Variants in OR51B5 observed in about 807,000 individuals in gnomAD.
The protein encoded by OR51B5 is olfactory receptor family 51 subfamily B member 5.
For missense variants in OR51B5, 456 were observed against 374.6 expected (o/e 1.22, Z -1.79); for synonymous variants, 186 against 144.8 (o/e 1.28, Z -2.04).
chr11:5,472,011 C>A (rs1433780435), intron 1 of OR51B5, among the ~76,000 whole-genome samples: 1 of 152,152 alleles, frequency 6.6e-6, no homozygotes, highest in African/African-American at 2.4e-5. Context: ...GTTTCCCAAT[C>A]AAAGGTTCCC....
intron 1 of OR51B5, among the ~76,000 whole-genome samples, chr11:5,381,534 G>A (rs139984112): frequency 9.8e-5 from 15 of 152,296 alleles, no homozygotes; most frequent in African/African-American, 2.2e-4. Context: ...TGGAAACTTC[G>A]TTGAACAATC....
intron 1 of OR51B5, among the ~76,000 whole-genome samples, chr11:5,364,768 C>T (rs1382882539): frequency 6.6e-6 from 1 of 152,074 alleles, no homozygotes; most frequent in African/African-American, 2.4e-5. Flanking sequence ...TTTACAGGGT[C>T]CCCCCACCCT....
At chr11:5,474,889 G>A (rs1254332467) in intron 1 of OR51B5, among the ~76,000 whole-genome samples, 1 of 152,092 alleles carries the variant, frequency 6.6e-6, no homozygotes, top group Non-Finnish European at 1.5e-5. Context: ...GTAAGTTTGG[G>A]GTGGTAGGAA....
At chr11:5,375,551 G>T (rs1478546481) in intron 1 of OR51B5, among the ~76,000 whole-genome samples, 3 of 151,162 alleles carry the variant, frequency 2.0e-5, no homozygotes, top group African/African-American at 7.3e-5. Context: ...GATAAAGAGT[G>T]TATTCAGGAA....
In OR51B5 at chr11:5,389,446, C is replaced by A. The variant is rs74788140; in HGVS notation, n.85-42536G>T. ...GTCCTCAATTCATGCTGCTATCCAA[C>A]ATTACTCAGTTTAGCCCCATATTCT... On this transcript the variant is annotated intron_variant and non_coding_transcript_variant, in intron 1 of 4. Coordinates refer to the OR51B5 transcript ENST00000415970. The A allele has an allele frequency of 3.7e-3, 6,051 of 1,613,910 alleles. 196 individuals are homozygous for A. In the African/African-American group the frequency reaches 0.069, roughly 19 times the overall value.
chr11:5,492,634 C>A (rs1246625801), intron 1 of OR51B5, among the ~76,000 whole-genome samples: 1 of 152,124 alleles, frequency 6.6e-6, no homozygotes, highest in Non-Finnish European at 1.5e-5. Flanking sequence ...GCCAAGATTA[C>A]CAACTCTGGA....
At chr11:5,463,866 C>G (rs961075199) in intron 1 of OR51B5, among the ~76,000 whole-genome samples, 47 of 152,180 alleles carry the variant, frequency 3.1e-4, no homozygotes, top group African/African-American at 1.1e-3. Flanking sequence ...TTTTAAAATG[C>G]TTTTAAATTC....
At chr11:5,357,600 A>G (rs1402546725) in intron 1 of OR51B5, among the ~76,000 whole-genome samples, 3 of 151,952 alleles carry the variant, frequency 2.0e-5, no homozygotes, top group Admixed American at 1.3e-4. Context: ...AAAGTTAACA[A>G]GGATATCCAG....
chr11:5,413,547 T>C (rs1196777209), intron 1 of OR51B5, among the ~76,000 whole-genome samples: 1 of 151,928 alleles, frequency 6.6e-6, no homozygotes, highest in Admixed American at 6.6e-5. Context: ...AAAATTTAGA[T>C]GAATGTATAA....
intron 1 of OR51B5, chr11:5,355,448 C>CA (rs1339096659): frequency 1.3e-5 from 2 of 154,000 alleles, no homozygotes; most frequent in Non-Finnish European, 2.9e-5. Context: ...GATTTGGGTC[C>CA]TCTCCACATT....
chr11:5,403,456 C>T (rs778926098), intron 1 of OR51B5: 10 of 471,560 alleles, frequency 2.1e-5, no homozygotes, highest in South Asian at 1.5e-4. Flanking sequence ...TTCTTCCCAC[C>T]TGTTGTCAAT....
chr11:5,362,977 AAAAG>A (rs1031045821), intron 1 of OR51B5: 27 of 154,772 alleles, frequency 1.7e-4, no homozygotes, highest in Non-Finnish European at 3.4e-4. Context: ...TTAAAAAAAA[AAAAG>A]AAATAATAGA....
chr11:5,341,664 G>A (rs993215614), downstream of OR51B5, among the ~76,000 whole-genome samples: 7 of 152,132 alleles, frequency 4.6e-5, 1 homozygote, highest in Admixed American at 2.6e-4. Flanking sequence ...GAATCAGAAT[G>A]TATGTACAGA....
At position 5,505,322 on chromosome 11, in the gene OR51B5, C is replaced by G. The variant is rs985557542; in HGVS notation, n.84+247G>C. 8 of 1,303,004 alleles carry G rather than the reference C, an allele frequency of 6.1e-6. No individual in the cohort carries two copies. The African/African-American group carries it at 1.2e-4, about 20-fold the overall frequency. 80.7% of individuals were successfully genotyped at this position (1,303,004 alleles called of 1,614,324 possible). A position where few individuals can be genotyped will look rare whatever the true frequency, so the allele number is the denominator to read the frequency against. On this transcript the variant is annotated intron_variant and non_coding_transcript_variant, in intron 1 of 4. Coordinates refer to the OR51B5 transcript ENST00000415970. ...ATTTGGGGTTCAATGTATATCTTCCCCAGTCAGAGGCAGACCCAGAGAACT... is the reference window on the plus strand; with the variant it reads ...ATTTGGGGTTCAATGTATATCTTCCGCAGTCAGAGGCAGACCCAGAGAACT...
At chr11:5,465,567 G>C (rs36187579) in intron 1 of OR51B5, among the ~76,000 whole-genome samples, 4 of 148,336 alleles carry the variant, frequency 2.7e-5, no homozygotes, top group Non-Finnish European at 6.0e-5. Flanking sequence ...ATACTACAAG[G>C]CTACAGTAAC....
intron 1 of OR51B5, among the ~76,000 whole-genome samples, chr11:5,437,157 A>G (rs964108454): frequency 7.2e-5 from 11 of 151,854 alleles, no homozygotes; most frequent in Non-Finnish European, 1.5e-5. Context: ...TGAAATTTCA[A>G]CTCCTTCCTT....
At chr11:5,489,055 A>T (rs1564830995) in intron 1 of OR51B5, 2 of 1,614,028 alleles carry the variant, frequency 1.2e-6, no homozygotes, top group Non-Finnish European at 1.7e-6. Context: ...GGAGTCCTCA[A>T]TTCTACTTGC....
chr11:5,440,574 G>A (rs767836236), intron 1 of OR51B5: 4 of 1,611,338 alleles, frequency 2.5e-6, no homozygotes, highest in South Asian at 1.1e-5. Context: ...CCTTCCTCAG[G>A]CCTGGGATTT....
chr11:5,423,193 T>C (rs1250769212), intron 1 of OR51B5: 2 of 1,522,948 alleles, frequency 1.3e-6, no homozygotes, highest in Admixed American at 2.0e-5. Flanking sequence ...GTATGAGTCA[T>C]AGGCTTAAGG....
Sources: allele counts gnomAD v4.1 joint callset (sites outside exome capture counted in the v4.1 genomes callset), GRCh38; gene constraint gnomAD v4.1.1; transcripts MANE v1.5; gene names NCBI Gene and HGNC (gene_info 2026-07-23, HGNC 2026-07-21).